Variants in PLD1 observed in about 807,000 individuals in gnomAD.
The protein encoded by PLD1 is choline phosphatase 1.
A neutral mutation model predicts 137.1 loss-of-function variants in PLD1; 112 were observed. The observed-to-expected ratio is 0.82, with a 90% CI of 0.70 to 0.96. PLD1 has a LOEUF of 0.96. PLD1 is among the 40% of genes least tolerant of loss of function. The pLI is 0.00. For synonymous variants in PLD1, 431 were observed against 454.7 expected, an observed-to-expected ratio of 0.95 and a Z score of 0.66; for missense variants, 1,321 against 1,342.0, an observed-to-expected ratio of 0.98 and a Z score of 0.24.
At chr3:171,657,239 G>C (rs1560187119) in intron 21 of PLD1, among the ~76,000 whole-genome samples, 3 of 152,132 alleles carry the variant, frequency 2.0e-5, no homozygotes, top group African/African-American at 4.8e-5. Context: ...GATTCAGTGA[G>C]ATAATGTAGT....
intron 24 of PLD1, among the ~76,000 whole-genome samples, chr3:171,615,771 G>A (rs1468814309): frequency 2.0e-5 from 3 of 152,164 alleles, no homozygotes; most frequent in Admixed American, 6.5e-5. Context: ...GCTATTGATG[G>A]ATGTTTGGGT....
chr3:171,623,312 AC>A (rs371954922), intron 23 of PLD1, among the ~76,000 whole-genome samples: 9,705 of 138,934 alleles, frequency 0.07, 570 homozygotes, highest in African/African-American at 0.095. Context: ...GCCCTATCAG[AC>A]TTTTTTTTTT....
At chr3:171,635,792 T>C (rs1477361270) in intron 23 of PLD1, among the ~76,000 whole-genome samples, 2 of 151,894 alleles carry the variant, frequency 1.3e-5, no homozygotes, top group African/African-American at 4.8e-5. Flanking sequence ...ATCTAAATTA[T>C]CTATTTTTAT....
rs368522311 is a variant in PLD1 at position 171,661,745 on chromosome 3, G to A, written c.2340+315C>T. 7.2e-5 allele frequency among the ~76,000 whole-genome samples: 11 copies of A among 152,204 alleles called. No individual in the cohort carries two copies. In the South Asian group the frequency reaches 8.3e-4, roughly 11 times the overall value. ...TTCACACTTAAACCCTCCAACCCAA[G>A]CGAAAACAAAACTTACCTATCCATG... On this transcript the variant is annotated intron_variant, in intron 20 of 26. Transcript: ENST00000351298.
At chr3:171,693,717 TTAAAGG>T (rs749639398) in intron 12 of PLD1, among the ~76,000 whole-genome samples, 12 of 152,128 alleles carry the variant, frequency 7.9e-5, no homozygotes, top group Non-Finnish European at 1.5e-4. Context: ...ATCGTAGAGA[TTAAAGG>T]TAAAAATTTT....
At chr3:171,638,276 G>A (rs539786381) in intron 23 of PLD1, among the ~76,000 whole-genome samples, 1 of 151,712 alleles carries the variant, frequency 6.6e-6, no homozygotes, top group Non-Finnish European at 1.5e-5. Flanking sequence ...TAAATGTGAA[G>A]GTCTAAACTA....
chr3:171,791,135 C>T (rs1343225371), intron 1 of PLD1, among the ~76,000 whole-genome samples: 2 of 152,162 alleles, frequency 1.3e-5, no homozygotes, highest in African/African-American at 2.4e-5. Flanking sequence ...CAAATGCCTT[C>T]ACAAAGCCAC....
intron 8 of PLD1, among the ~76,000 whole-genome samples, chr3:171,714,411 C>T (rs956515607): frequency 9.9e-5 from 15 of 152,164 alleles, no homozygotes; most frequent in African/African-American, 3.6e-4. Flanking sequence ...CAAATGGTAA[C>T]TTCATCAGGC....
At chr3:171,695,008 C>T (rs960240545) in intron 12 of PLD1, among the ~76,000 whole-genome samples, 3 of 152,148 alleles carry the variant, frequency 2.0e-5, no homozygotes, top group Middle Eastern at 3.2e-3. Flanking sequence ...TTTACCTACA[C>T]CTATAGCCAC....
At chr3:171,646,675 CAAAAAAAAA>C (rs77696811) in intron 21 of PLD1, among the ~76,000 whole-genome samples, 1 of 89,520 alleles carries the variant, frequency 1.1e-5, no homozygotes, top group African/African-American at 3.6e-5. Flanking sequence ...AAAGAACAGA[CAAAAAAAAA>C]AAAAAAGAAA....
chr3:171,719,147 C>A (rs1263532538), intron 8 of PLD1, among the ~76,000 whole-genome samples: 1 of 152,108 alleles, frequency 6.6e-6, no homozygotes, highest in Non-Finnish European at 1.5e-5. Context: ...TTCTTCTAGG[C>A]AATTCCATGG....
chr3:171,726,080 A>G lies in PLD1; in HGVS notation c.607-4T>C, dbSNP rs1254560615. 6.2e-7 allele frequency: 1 copy of G among 1,606,536 alleles called. No homozygotes were observed. The highest frequency in any genetic ancestry group is 1.1e-5 in the South Asian group (1 of 90,870). ...GGCTTATATCAAGAAACTCTGTCTGAAAAGAAGCAAAAAATCCATCTTTAG... is the reference window on the plus strand; with the variant it reads ...GGCTTATATCAAGAAACTCTGTCTGGAAAGAAGCAAAAAATCCATCTTTAG... On this transcript the variant is annotated splice_polypyrimidine_tract_variant and splice_region_variant and intron_variant, in intron 6 of 26. Transcript: ENST00000351298.
rs376887407 is a variant in PLD1, at chr3:171,756,644, C to T, written c.-31-18562G>A. 3.9e-5 allele frequency among the ~76,000 whole-genome samples: 6 copies of T among 152,272 alleles called. No individual in the cohort carries two copies. The South Asian group carries it at 1.2e-3, about 32-fold the overall frequency. ...GATTATTGATTCACCATTAAAATGG[C>T]ATTAATATAAAGTGAATAAAAACAT... On this transcript the variant is annotated intron_variant, in intron 1 of 26. Coordinates refer to ENST00000351298, the MANE Select transcript of PLD1 (RefSeq NM_002662.5).
chr3:171,694,792 T>G (rs964059147), intron 12 of PLD1, among the ~76,000 whole-genome samples: 4 of 152,124 alleles, frequency 2.6e-5, no homozygotes, highest in African/African-American at 4.8e-5. Flanking sequence ...CTAATGGATT[T>G]TTGAAATAAT....
chr3:171,605,922 T>C (rs538610221), intron 25 of PLD1, among the ~76,000 whole-genome samples: 3 of 152,364 alleles, frequency 2.0e-5, no homozygotes, highest in South Asian at 2.1e-4. Flanking sequence ...ATTGGCCTTG[T>C]AAGGCTTTGG....
chr3:171,668,857 G>A (rs902715605), intron 19 of PLD1, among the ~76,000 whole-genome samples: 1 of 152,110 alleles, frequency 6.6e-6, no homozygotes, highest in Non-Finnish European at 1.5e-5. Flanking sequence ...TATCTTAAAT[G>A]CCATTAAGAC....
intron 25 of PLD1, chr3:171,611,524 C>T (rs1310000405): frequency 1.4e-5 from 7 of 504,068 alleles, no homozygotes; most frequent in Admixed American, 1.0e-4. Context: ...ACAGCTGAAA[C>T]GAGCCCAGCT....
At position 171,688,668 on chromosome 3, in the gene PLD1, A is replaced by G; in HGVS notation, c.1539+8T>C. The G allele has an allele frequency of 1.3e-6, 2 of 1,599,188 alleles. No homozygotes were observed. Among genetic ancestry groups the G allele is most frequent in the South Asian group, 2.2e-5 (2 of 90,760 alleles). On this transcript the variant is annotated splice_region_variant and intron_variant, in intron 14 of 26. Transcript: ENST00000351298. ...TTATACATTTCCATAAAGGTTAAAT[A>G]TACTTACTGGGAGGGAACCCAGAGA... is the stretch of plus-strand genomic sequence containing the variant.
intron 1 of PLD1, among the ~76,000 whole-genome samples, chr3:171,755,311 T>C (rs1720944984): frequency 6.6e-6 from 1 of 152,132 alleles, no homozygotes; most frequent in African/African-American, 2.4e-5. Context: ...CCTCCATTTG[T>C]ACACTCCACC....
Sources: allele counts gnomAD v4.1 joint callset (sites outside exome capture counted in the v4.1 genomes callset), GRCh38; gene constraint gnomAD v4.1.1; transcripts MANE v1.5; gene names NCBI Gene and HGNC (gene_info 2026-07-23, HGNC 2026-07-21).